AUTS2: variants seen among roughly 807,000 people sequenced by gnomAD.
AUTS2 encodes the protein activator of transcription and developmental regulator AUTS2, also known as autism susceptibility gene 2 protein.
Under a neutral mutation model 112.4 loss-of-function variants are expected in AUTS2, and 17 were observed. The observed-to-expected ratio is 0.15, with a 90% CI of 0.10 to 0.23. The LOEUF is 0.23. Ranked by LOEUF, AUTS2 falls within the 10% of genes least tolerant of loss-of-function variation. The pLI is 1.00. For missense variants in AUTS2, 1,510 were observed against 1,701.6 expected, an observed-to-expected ratio of 0.89 and a Z score of 1.98; for synonymous variants, 751 against 702.7, an observed-to-expected ratio of 1.07 and a Z score of -1.09.
At chr7:69,779,468 A>AT (rs1263144796) in intron 1 of AUTS2, among the ~76,000 whole-genome samples, 2 of 152,112 alleles carry the variant, frequency 1.3e-5, no homozygotes, top group African/African-American at 4.8e-5. Context: ...TAACTTAAAA[A>AT]ATATATAGAT....
chr7:69,976,468 G>A (rs1350323434), intron 2 of AUTS2, among the ~76,000 whole-genome samples: 1 of 152,096 alleles, frequency 6.6e-6, no homozygotes, highest in Non-Finnish European at 1.5e-5. Context: ...CCTGCTTTTA[G>A]TTCTTTTTGG....
chr7:70,131,358 A>T (rs960539436), intron 3 of AUTS2, among the ~76,000 whole-genome samples: 1 of 152,098 alleles, frequency 6.6e-6, no homozygotes, highest in Non-Finnish European at 1.5e-5. Context: ...AGGCAGGAGG[A>T]TCACTTGAGC....
At chr7:69,679,029 G>A (rs1796687289) in intron 1 of AUTS2, among the ~76,000 whole-genome samples, 1 of 152,236 alleles carries the variant, frequency 6.6e-6, no homozygotes, top group Non-Finnish European at 1.5e-5. Flanking sequence ...AATTGGCCAT[G>A]CTGTCGCCAT....
intron 1 of AUTS2, among the ~76,000 whole-genome samples, chr7:69,849,065 C>T (rs898913028): frequency 3.3e-5 from 5 of 151,998 alleles, no homozygotes; most frequent in Non-Finnish European, 7.4e-5. Context: ...GCCTGTAGTC[C>T]CAGCTACTGG....
At chr7:70,017,488 C>T (rs1469520806) in intron 2 of AUTS2, among the ~76,000 whole-genome samples, 1 of 152,238 alleles carries the variant, frequency 6.6e-6, no homozygotes, top group Non-Finnish European at 1.5e-5. Context: ...AGCAGTGCTC[C>T]TCCGAGCTTT....
intron 5 of AUTS2, among the ~76,000 whole-genome samples, chr7:70,614,821 T>G (rs2129534833): frequency 6.6e-6 from 1 of 152,324 alleles, no homozygotes. Flanking sequence ...GCTGGCACTC[T>G]CACGCTGAGC....
At chr7:69,857,545 G>A (rs547419950) in intron 1 of AUTS2, among the ~76,000 whole-genome samples, 1 of 152,214 alleles carries the variant, frequency 6.6e-6, no homozygotes, top group Non-Finnish European at 1.5e-5. Flanking sequence ...AGGGAGGAAA[G>A]TAGGGCTATG....
intron 5 of AUTS2, among the ~76,000 whole-genome samples, chr7:70,685,472 CAAAAA>C (rs34403837): frequency 9.2e-4 from 61 of 65,960 alleles, no homozygotes; most frequent in African/African-American, 2.9e-3. Context: ...GACTCTGTCT[CAAAAA>C]AAAAAAAAAA....
At chr7:70,744,650 C>G (rs969003760) in intron 6 of AUTS2, among the ~76,000 whole-genome samples, 2 of 152,126 alleles carry the variant, frequency 1.3e-5, no homozygotes, top group African/African-American at 4.8e-5. Context: ...AGCGAGGCTC[C>G]ATGCAGACAG....
chr7:70,053,958 A>G (rs1377915847), intron 2 of AUTS2, among the ~76,000 whole-genome samples: 1 of 152,218 alleles, frequency 6.6e-6, no homozygotes, highest in Non-Finnish European at 1.5e-5. Flanking sequence ...GCCTCCAAAG[A>G]AAGCAAATGT....
intron 1 of AUTS2, among the ~76,000 whole-genome samples, chr7:69,722,923 T>A (rs907914098): frequency 6.6e-6 from 1 of 151,890 alleles, no homozygotes; most frequent in Non-Finnish European, 1.5e-5. Flanking sequence ...GAAAACATGA[T>A]CATTTCCAGG....
intron 5 of AUTS2, among the ~76,000 whole-genome samples, chr7:70,674,876 C>A (rs1260857788): frequency 6.6e-6 from 1 of 152,202 alleles, no homozygotes; most frequent in Non-Finnish European, 1.5e-5. Flanking sequence ...AGGAACAGAG[C>A]TAGATCCCAT....
At chr7:69,846,903 T>G (rs566837289) in intron 1 of AUTS2, among the ~76,000 whole-genome samples, 3 of 152,282 alleles carry the variant, frequency 2.0e-5, no homozygotes, top group African/African-American at 7.2e-5. Flanking sequence ...TAGGTGTTAA[T>G]AATTCCCATT....
intron 4 of AUTS2, among the ~76,000 whole-genome samples, chr7:70,342,854 T>C (rs1243341819): frequency 1.3e-5 from 2 of 152,154 alleles, no homozygotes; most frequent in Non-Finnish European, 2.9e-5. Flanking sequence ...CACAAGGCAT[T>C]CCCTTGGCTT....
chr7:69,744,216 G>A (rs1787390193), intron 1 of AUTS2, among the ~76,000 whole-genome samples: 1 of 152,142 alleles, frequency 6.6e-6, no homozygotes, highest in Non-Finnish European at 1.5e-5. Context: ...TGCTGGCGAT[G>A]GCTTTTGGGT....
rs568678322 is a variant in AUTS2 at position 70,633,100 on chromosome 7, C to T, written c.691-65469C>T. On this transcript the variant is annotated intron_variant, in intron 5 of 18. Coordinates refer to ENST00000342771, the MANE Select transcript of AUTS2 (RefSeq NM_015570.4). ...GGTAGAGGGCAAGACAGTGACTGTC[C>T]GGGGGCCTTTTCAGGGTCGCTTGGT... Among the ~76,000 whole-genome samples the T allele has an allele frequency of 6.6e-4, 100 of 152,296 alleles. 1 individual carries two copies. Among genetic ancestry groups the T allele is most frequent in the East Asian group, 2.1e-3 (11 of 5,166 alleles).
In AUTS2 at chr7:70,785,967, G is replaced by A. The variant is rs774705600; in HGVS notation, c.2237G>A (p.Arg746Gln). The part of the protein sequence containing the change: ...NPAAHLEPFN[R>Q]PSTFTGLAAV... Reference sequence around the variant, plus strand: ...ATCTTGTTTGCAGAGCCTTTTAATCGGCCGTCTACATTCACAGGCCTAGCA... The same window carrying A: ...ATCTTGTTTGCAGAGCCTTTTAATCAGCCGTCTACATTCACAGGCCTAGCA... Residue 746 changes from arginine (R) to glutamine (Q), a missense_variant, in exon 17 of 19, where the codon CGG becomes CAG. Arg to Gln is a conservative substitution (Grantham distance 43). This residue lies in a region of AUTS2 where 788 missense variants were observed against 797.6 expected (regional missense o/e 0.99). Coordinates refer to ENST00000342771, the MANE Select transcript of AUTS2 (RefSeq NM_015570.4). 3.2e-5 allele frequency: 51 copies of A among 1,613,756 alleles called. No homozygotes were observed. Among genetic ancestry groups the A allele is most frequent in the Non-Finnish European group, 4.1e-5 (48 of 1,179,958 alleles).
chr7:69,879,419 G>A (rs890367053), intron 1 of AUTS2, among the ~76,000 whole-genome samples: 1 of 151,894 alleles, frequency 6.6e-6, no homozygotes, highest in Non-Finnish European at 1.5e-5. Flanking sequence ...CAAAGTGGTG[G>A]GATTGCAGGC....
intron 1 of AUTS2, among the ~76,000 whole-genome samples, chr7:69,716,216 CTGTGTGTGTGTGTT>C (rs1329794215): frequency 2.0e-5 from 3 of 151,044 alleles, no homozygotes; most frequent in Admixed American, 6.6e-5. Flanking sequence ...CTCTGTGTGT[CTGTGTGTGTGTGTT>C]TGTGTGTGTG....
Sources: allele counts gnomAD v4.1 joint callset (sites outside exome capture counted in the v4.1 genomes callset), GRCh38; gene constraint gnomAD v4.1.1; regional missense constraint gnomAD v4.1.1; transcripts MANE v1.5; gene names NCBI Gene and HGNC (gene_info 2026-07-23, HGNC 2026-07-21).